The following SLC9D1 variants were observed in gnomAD, a reference collection of about 807,000 sequenced individuals.
SLC9D1 encodes the protein solute carrier family 9 member D1, also known as putative LAG1-interacting protein.
the SLC9D1 span, among the ~76,000 whole-genome samples, chr13:113,496,554 G>A: frequency 6.6e-6 from 1 of 152,196 alleles, no homozygotes; most frequent in African/African-American, 2.4e-5. Context: ...TGAAATTACT[G>A]TATCAGATGT....
the SLC9D1 span, chr13:113,548,488 GGCACGGGCT>G: frequency 1.9e-6 from 3 of 1,582,836 alleles, no homozygotes; most frequent in Non-Finnish European, 2.6e-6. Flanking sequence ...CTTCTCGGGC[GGCACGGGCT>G]GCACTCTGGG....
chr13:113,531,564 GGC>G, the SLC9D1 span, among the ~76,000 whole-genome samples: 1 of 151,324 alleles, frequency 6.6e-6, no homozygotes, highest in East Asian at 2.0e-4. Flanking sequence ...ACCTGCAGGT[GGC>G]ACGGCACCCC....
At chr13:113,538,736 C>G in the SLC9D1 span, among the ~76,000 whole-genome samples, 2 of 152,264 alleles carry the variant, frequency 1.3e-5, no homozygotes, top group African/African-American at 4.8e-5. Context: ...GTTTTGTTTT[C>G]TCAAGATAAA....
the SLC9D1 span, chr13:113,548,485 G>A: frequency 2.5e-6 from 4 of 1,585,684 alleles, no homozygotes; most frequent in Non-Finnish European, 3.4e-6. Context: ...GCGCTTCTCG[G>A]GCGGCACGGG....
At chr13:113,548,186 G>T in the SLC9D1 span, 2 of 1,140,316 alleles carry the variant, frequency 1.8e-6, no homozygotes, top group East Asian at 2.4e-5. Context: ...CCTACTTGAC[G>T]TGTTATTCAG....
the SLC9D1 span, among the ~76,000 whole-genome samples, chr13:113,544,574 G>A: frequency 2.6e-5 from 4 of 152,204 alleles, no homozygotes; most frequent in African/African-American, 7.2e-5. Flanking sequence ...TTATTAGCTC[G>A]GGCCATCAAC....
At chr13:113,534,618 C>T in the SLC9D1 span, 1 of 261,014 alleles carries the variant, frequency 3.8e-6, no homozygotes, top group African/African-American at 2.2e-5. Flanking sequence ...GTGAGAACCC[C>T]TCTGCTACAA....
At chr13:113,508,728 G>A in the SLC9D1 span, among the ~76,000 whole-genome samples, 1 of 152,222 alleles carries the variant, frequency 6.6e-6, no homozygotes, top group Non-Finnish European at 1.5e-5. Context: ...TTTGGGGTCC[G>A]GAAGCTCCAT....
the SLC9D1 span, among the ~76,000 whole-genome samples, chr13:113,502,854 C>G: frequency 2.6e-5 from 4 of 152,206 alleles, no homozygotes; most frequent in African/African-American, 9.6e-5. Flanking sequence ...CTCCAGATCG[C>G]AGGGCGGCAG....
chr13:113,534,205 T>A, the SLC9D1 span: 1 of 1,614,114 alleles, frequency 6.2e-7, no homozygotes, highest in South Asian at 1.1e-5. Context: ...AATCCTGATC[T>A]TGGGAATATC....
chr13:113,506,996 C>T, the SLC9D1 span, among the ~76,000 whole-genome samples: 201 of 152,016 alleles, frequency 1.3e-3, no homozygotes, highest in African/African-American at 4.6e-3. Context: ...AGCTGCCCTG[C>T]GTGGTGACAG....
chr13:113,510,037 G>A, the SLC9D1 span, among the ~76,000 whole-genome samples: 3 of 152,132 alleles, frequency 2.0e-5, no homozygotes, highest in Non-Finnish European at 4.4e-5. Flanking sequence ...CGTGTATTGT[G>A]TGTGTGCAGC....
the SLC9D1 span, among the ~76,000 whole-genome samples, chr13:113,532,140 G>A: frequency 6.6e-6 from 1 of 152,208 alleles, no homozygotes; most frequent in Non-Finnish European, 1.5e-5. Flanking sequence ...ATGCAAGGGT[G>A]AGCTCAGCAG....
the SLC9D1 span, chr13:113,500,217 C>T: frequency 9.6e-7 from 1 of 1,041,584 alleles, no homozygotes; most frequent in Non-Finnish European, 1.3e-6. Flanking sequence ...TATGACCGAG[C>T]TTTATCTTCT....
the SLC9D1 span, chr13:113,524,154 C>G: frequency 2.2e-6 from 1 of 456,356 alleles, no homozygotes; most frequent in Non-Finnish European, 4.4e-6. Context: ...CGTGTTCTTG[C>G]TGTAGTTGTA....
At chr13:113,507,330 C>A in the SLC9D1 span, among the ~76,000 whole-genome samples, 1 of 152,074 alleles carries the variant, frequency 6.6e-6, no homozygotes, top group Admixed American at 6.5e-5. Flanking sequence ...GTTTATTTTC[C>A]CCTTTTTATT....
the SLC9D1 span, among the ~76,000 whole-genome samples, chr13:113,538,535 C>T: frequency 2.0e-5 from 3 of 152,226 alleles, no homozygotes; most frequent in South Asian, 4.1e-4. Flanking sequence ...GAGCATCCGC[C>T]GCTCCGCCGT....
the SLC9D1 span, among the ~76,000 whole-genome samples, chr13:113,492,132 C>T: frequency 6.6e-6 from 1 of 152,004 alleles, no homozygotes; most frequent in Non-Finnish European, 1.5e-5. Context: ...GGGAGCATCA[C>T]GCCCGGCTAA....
At chr13:113,501,671 C>T in the SLC9D1 span, 1 of 1,128,796 alleles carries the variant, frequency 8.9e-7, no homozygotes, top group Non-Finnish European at 1.3e-6. Flanking sequence ...GAACTACGTC[C>T]TGTTCTGTGC....
Sources: allele counts gnomAD v4.1 joint callset (sites outside exome capture counted in the v4.1 genomes callset), GRCh38; gene constraint gnomAD v4.1.1; transcripts MANE v1.5; gene names NCBI Gene and HGNC (gene_info 2026-07-23, HGNC 2026-07-21).